FOXP1: variants seen among roughly 807,000 people sequenced by gnomAD.
FOXP1 encodes the protein forkhead box protein P1.
In FOXP1, 15 loss-of-function variants were observed where a neutral mutation model predicts 98.2. The ratio of observed to expected loss-of-function variants is 0.15; its 90% CI spans 0.10 to 0.24. The LOEUF (loss-of-function observed/expected upper bound fraction) is 0.24. FOXP1 is among the 10% of genes least tolerant of loss of function. FOXP1 has a pLI of 1.00. For synonymous variants in FOXP1, 371 were observed against 314.5 expected (o/e 1.18, Z -1.90); for missense variants, 633 against 848.5 (o/e 0.75, Z 3.15).
intron 7 of FOXP1, among the ~76,000 whole-genome samples, chr3:71,085,312 T>A (rs868706992): frequency 2.0e-5 from 3 of 151,768 alleles, no homozygotes; most frequent in Admixed American, 6.6e-5. Context: ...TCAGCTAATT[T>A]AAAAAAAAAT....
chr3:71,581,884 C>G (rs2048201477), intron 1 of FOXP1, 187 bp from the exon 2 acceptor site: 1 of 984,786 alleles, frequency 1.0e-6, no homozygotes, highest in Non-Finnish European at 1.2e-6. Context: ...TGCAAGGATC[C>G]AGAGACCGGG....
intron 19 of FOXP1, chr3:70,970,147 A>T (rs1047283292): frequency 6.5e-6 from 1 of 153,820 alleles, no homozygotes; most frequent in Non-Finnish European, 1.4e-5. Flanking sequence ...AGTAGGAAAT[A>T]AATACTCCGT....
At chr3:71,186,297 C>T (rs935501411) in intron 6 of FOXP1, among the ~76,000 whole-genome samples, 1 of 152,106 alleles carries the variant, frequency 6.6e-6, no homozygotes, top group African/African-American at 2.4e-5. Flanking sequence ...CCACCAATAA[C>T]GTCAAAACTT....
Position 70,982,275 on chromosome 3 carries a change from C to T in FOXP1, c.1147-4246G>A, listed in dbSNP as rs1053113232. Among the ~76,000 whole-genome samples the T allele has an allele frequency of 2.5e-4, 38 of 152,138 alleles. 1 individual carries two copies. The highest frequency in any genetic ancestry group is 1.2e-4 in the Non-Finnish European group (8 of 68,040). On this transcript the variant is annotated intron_variant, in intron 14 of 20. Coordinates refer to ENST00000649528, the MANE Select transcript of FOXP1 (RefSeq NM_001349338.3). ...TCATCTTAATTGTAAACTATTAAAT[C>T]TTAATGTAATCATCAATTAGAAATG...
At chr3:71,246,005 C>A (rs574145065) in intron 5 of FOXP1, among the ~76,000 whole-genome samples, 22 of 151,846 alleles carry the variant, frequency 1.4e-4, no homozygotes, top group African/African-American at 2.2e-4. Context: ...ACCACCCCCC[C>A]CCCACCACAA....
chr3:70,975,136 C>T (rs1379276800), intron 17 of FOXP1, among the ~76,000 whole-genome samples: 2 of 152,084 alleles, frequency 1.3e-5, no homozygotes, highest in East Asian at 3.9e-4. Flanking sequence ...CTGCAGTTTG[C>T]AAAACGAAAA....
intron 6 of FOXP1, among the ~76,000 whole-genome samples, chr3:71,130,217 A>G (rs560452600): frequency 6.6e-6 from 1 of 152,296 alleles, no homozygotes; most frequent in South Asian, 2.1e-4. Flanking sequence ...AGCCTATAAA[A>G]CTATCCTGAC....
At chr3:71,100,386 T>C (rs2056848163) in intron 7 of FOXP1, among the ~76,000 whole-genome samples, 1 of 152,234 alleles carries the variant, frequency 6.6e-6, no homozygotes, top group African/African-American at 2.4e-5. Flanking sequence ...TGATGTCTTA[T>C]TAAAAGCAAT....
chr3:70,981,092 G>C (rs1270551164), intron 14 of FOXP1, among the ~76,000 whole-genome samples: 1 of 141,310 alleles, frequency 7.1e-6, no homozygotes, highest in Non-Finnish European at 1.5e-5. Context: ...TCACAGCTAC[G>C]AAGAATAGAC....
intron 14 of FOXP1, among the ~76,000 whole-genome samples, chr3:70,981,192 A>AC: frequency 2.8e-5 from 1 of 35,690 alleles, no homozygotes; most frequent in South Asian, 1.3e-3. Flanking sequence ...TCTTTCTACC[A>AC]AAAAAAAAAA....
At chr3:71,148,095 G>A (rs528652632) in intron 6 of FOXP1, among the ~76,000 whole-genome samples, 2 of 152,222 alleles carry the variant, frequency 1.3e-5, no homozygotes, top group South Asian at 4.2e-4. Flanking sequence ...TACAAATGTC[G>A]GCCAGGCACG....
At chr3:71,374,169 C>A (rs143962268) in intron 3 of FOXP1, among the ~76,000 whole-genome samples, 1 of 152,148 alleles carries the variant, frequency 6.6e-6, no homozygotes, top group African/African-American at 2.4e-5. Context: ...GTTTCTAGAA[C>A]GTGTTCTCAG....
chr3:71,304,003 C>T (rs1013163498), intron 4 of FOXP1, among the ~76,000 whole-genome samples: 2 of 152,160 alleles, frequency 1.3e-5, no homozygotes, highest in Non-Finnish European at 2.9e-5. Context: ...AAGAAATGTG[C>T]GACTTTGAAT....
At chr3:70,972,474 C>T (rs1022034694) in intron 18 of FOXP1, 81 bp downstream of exon 18, 1 of 1,582,272 alleles carries the variant, frequency 6.3e-7, no homozygotes, top group Non-Finnish European at 8.7e-7. Context: ...GGTCTAACAC[C>T]ATCTAGCAGC....
chr3:71,250,240 G>A (rs2068075356), intron 5 of FOXP1, among the ~76,000 whole-genome samples: 1 of 152,174 alleles, frequency 6.6e-6, no homozygotes, highest in South Asian at 2.1e-4. Flanking sequence ...GTTGCCAAAT[G>A]TCCCCTGCTG....
At chr3:71,434,486 A>G (rs1474240961) in intron 3 of FOXP1, among the ~76,000 whole-genome samples, 1 of 152,186 alleles carries the variant, frequency 6.6e-6, no homozygotes, top group Non-Finnish European at 1.5e-5. Context: ...TTACGTTTTA[A>G]AAGTTTTATG....
chr3:71,432,865 A>AC (rs1560478112), intron 3 of FOXP1, among the ~76,000 whole-genome samples: 3 of 148,054 alleles, frequency 2.0e-5, no homozygotes, highest in South Asian at 2.1e-4. Flanking sequence ...AAAAAAAAAA[A>AC]ATTAAAAAAA....
intron 3 of FOXP1, among the ~76,000 whole-genome samples, chr3:71,426,879 G>A (rs1220221179): frequency 6.6e-6 from 1 of 151,992 alleles, no homozygotes; most frequent in East Asian, 1.9e-4. Flanking sequence ...TGACCAACAT[G>A]GTGAAACCCC....
chr3:71,198,432 G>GGGGGGGGGGGGCCCCCCCCCCCGCC, intron 5 of FOXP1, 40 bp from the exon 6 acceptor site: 1 of 491,034 alleles, frequency 2.0e-6, no homozygotes, highest in Non-Finnish European at 4.0e-6. Context: ...GGGAGGGGGG[G>GGGGGGGGGGGGCCCCCCCCCCCGCC]AGAAAAAAAA....
Sources: gnomAD v4.1 joint callset for allele counts (sites outside exome capture counted in the v4.1 genomes callset) on GRCh38, gnomAD v4.1.1 for gene constraint, MANE v1.5 for transcripts, NCBI Gene and HGNC (gene_info 2026-07-23, HGNC 2026-07-21) for gene names.